CPEB1: variants seen among roughly 807,000 people sequenced by gnomAD.
CPEB1 encodes the protein cytoplasmic polyadenylation element binding protein 1, also known as cytoplasmic polyadenylation element-binding protein 1.
A neutral mutation model predicts 65.8 loss-of-function variants in CPEB1; 7 were observed. The observed-to-expected ratio is 0.11, with a 90% confidence interval of 0.06 to 0.20. The LOEUF (loss-of-function observed/expected upper bound fraction) is 0.20. Among genes scored for constraint, CPEB1 ranks in the 10% least tolerant of loss-of-function variants. The pLI, the probability that CPEB1 is intolerant of heterozygous loss-of-function variation, is 1.00. For missense variants in CPEB1, 551 were observed against 712.2 expected (o/e 0.77, Z 2.58); for synonymous variants, 262 against 260.0 (o/e 1.01, Z -0.08).
At chr15:82,587,264 T>C (rs1278735625) in intron 3 of CPEB1, among the ~76,000 whole-genome samples, 1 of 152,210 alleles carries the variant, frequency 6.6e-6, no homozygotes, top group Admixed American at 6.5e-5. Context: ...AGTATCTCCA[T>C]CGAGAATTTA....
intron 3 of CPEB1, among the ~76,000 whole-genome samples, chr15:82,599,986 T>A (rs2042968448): frequency 6.7e-6 from 1 of 149,380 alleles, no homozygotes; most frequent in Non-Finnish European, 1.5e-5. Context: ...AATTACAGAG[T>A]CCCAAAAGAA....
At chr15:82,564,238 T>G (rs2038731254) in intron 4 of CPEB1, among the ~76,000 whole-genome samples, 1 of 152,238 alleles carries the variant, frequency 6.6e-6, no homozygotes, top group African/African-American at 2.4e-5. Flanking sequence ...CCCTACCCTT[T>G]TCTATCAAGG....
At chr15:82,588,560 T>C (rs1168388609) in intron 3 of CPEB1, among the ~76,000 whole-genome samples, 1 of 152,226 alleles carries the variant, frequency 6.6e-6, no homozygotes, top group Non-Finnish European at 1.5e-5. Context: ...ATGATGTATC[T>C]AACCATTTCT....
At chr15:82,634,851 C>T (rs1464659719) in intron 1 of CPEB1, among the ~76,000 whole-genome samples, 2 of 152,110 alleles carry the variant, frequency 1.3e-5, no homozygotes, top group East Asian at 3.9e-4. Context: ...TGGCAATTTG[C>T]CTTTATTTTT....
chr15:82,634,274 A>T (rs2046484668), intron 1 of CPEB1, among the ~76,000 whole-genome samples: 1 of 152,078 alleles, frequency 6.6e-6, no homozygotes, highest in African/African-American at 2.4e-5. Flanking sequence ...ATGTTTGCTA[A>T]AGATCCCCAA....
intron 3 of CPEB1, among the ~76,000 whole-genome samples, chr15:82,609,224 A>C (rs1011120158): frequency 3.9e-5 from 6 of 152,170 alleles, no homozygotes; most frequent in African/African-American, 1.4e-4. Context: ...ATTATGCTGA[A>C]TGTCGTAGCT....
At chr15:82,573,299 A>G in intron 3 of CPEB1, 1 of 786,906 alleles carries the variant, frequency 1.3e-6, no homozygotes, top group Non-Finnish European at 1.9e-6. Context: ...CTGGCTGTAG[A>G]TATTCTGCTT....
intron 3 of CPEB1, among the ~76,000 whole-genome samples, chr15:82,582,834 C>T (rs951859275): frequency 1.3e-4 from 19 of 150,956 alleles, no homozygotes; most frequent in African/African-American, 4.1e-4. Context: ...CTCCGCCTCC[C>T]GGGTTCACGC....
At chr15:82,633,388 T>C (rs2046411862) in intron 1 of CPEB1, among the ~76,000 whole-genome samples, 1 of 152,274 alleles carries the variant, frequency 6.6e-6, no homozygotes, top group Admixed American at 6.5e-5. Flanking sequence ...GTTATTTTAT[T>C]TGAGACAGAG....
chr15:82,612,825 C>T (rs925718127), intron 3 of CPEB1, among the ~76,000 whole-genome samples: 2 of 149,948 alleles, frequency 1.3e-5, no homozygotes, highest in Non-Finnish European at 3.0e-5. Flanking sequence ...CATAGTGAGA[C>T]TCTGTCTCAA....
At chr15:82,553,661 GACAA>G (rs1327688862) in intron 7 of CPEB1, 105 bp from the exon 8 acceptor site, 7 of 880,528 alleles carry the variant, frequency 7.9e-6, no homozygotes, top group Admixed American at 2.0e-5. Context: ...CATCCCCACT[GACAA>G]ACAACTCAGA....
intron 3 of CPEB1, among the ~76,000 whole-genome samples, chr15:82,577,937 G>GA (rs2040843798): frequency 6.6e-6 from 1 of 151,946 alleles, no homozygotes; most frequent in African/African-American, 2.4e-5. Flanking sequence ...TCAGGAGATC[G>GA]AGACCATCCT....
At chr15:82,545,057 A>G (rs934326546) in intron 12 of CPEB1, among the ~76,000 whole-genome samples, 1 of 152,152 alleles carries the variant, frequency 6.6e-6, no homozygotes, top group Non-Finnish European at 1.5e-5. Context: ...TAACGTGGAG[A>G]ATGTATAAGG....
chr15:82,590,534 C>T (rs1044491133), intron 3 of CPEB1, among the ~76,000 whole-genome samples: 1 of 151,902 alleles, frequency 6.6e-6, no homozygotes, highest in Non-Finnish European at 1.5e-5. Context: ...TTAAGTTCAG[C>T]GATGTGCAGG....
At chr15:82,562,586 T>A (rs75311361) in intron 4 of CPEB1, among the ~76,000 whole-genome samples, 1 of 151,984 alleles carries the variant, frequency 6.6e-6, no homozygotes, top group Admixed American at 6.5e-5. Flanking sequence ...ACGCCTGTAA[T>A]ACCAGTACCT....
intron 3 of CPEB1, among the ~76,000 whole-genome samples, chr15:82,619,489 A>C (rs2045091939): frequency 6.6e-6 from 1 of 152,264 alleles, no homozygotes; most frequent in South Asian, 2.1e-4. Context: ...GCCAATTAAG[A>C]GTACAAAGAC....
chr15:82,576,751 G>C (rs1000110534), intron 3 of CPEB1, among the ~76,000 whole-genome samples: 4 of 152,194 alleles, frequency 2.6e-5, no homozygotes, highest in African/African-American at 4.8e-5. Context: ...GGCTGGGTGT[G>C]GTGGCTCATA....
intron 3 of CPEB1, among the ~76,000 whole-genome samples, chr15:82,609,163 C>A (rs1322264677): frequency 6.6e-6 from 1 of 152,116 alleles, no homozygotes; most frequent in Non-Finnish European, 1.5e-5. Context: ...CTAAAACTTA[C>A]GGCATGCAAT....
chr15:82,625,458 T>TA (rs1318767683), intron 3 of CPEB1, among the ~76,000 whole-genome samples: 2 of 152,078 alleles, frequency 1.3e-5, no homozygotes, highest in African/African-American at 2.4e-5. Flanking sequence ...AACGCCAAGT[T>TA]AAAAAAATAA....
Sources: gnomAD v4.1 joint callset for allele counts (sites outside exome capture counted in the v4.1 genomes callset) on GRCh38, gnomAD v4.1.1 for gene constraint, MANE v1.5 for transcripts, NCBI Gene and HGNC (gene_info 2026-07-23, HGNC 2026-07-21) for gene names.